Variants in PLB1 observed in about 807,000 individuals in gnomAD.
The protein encoded by PLB1 is phospholipase B1.
PLB1 carries 242 observed loss-of-function variants against 227.4 expected under a neutral mutation model. The observed-to-expected ratio is 1.06, with a 90% CI of 0.96 to 1.18. PLB1 has a LOEUF of 1.18. Among genes scored for constraint, PLB1 ranks in the 50% most tolerant of loss-of-function variants. The probability of loss-of-function intolerance (pLI) is 0.00; values close to 1 mark genes in which losing one functional copy is unlikely to be tolerated. For synonymous variants in PLB1, 757 were observed against 682.2 expected, an observed-to-expected ratio of 1.11 and a Z score of -1.71; for missense variants, 1,858 against 1,816.3, an observed-to-expected ratio of 1.02 and a Z score of -0.42.
At chr2:28,597,955 C>A in intron 33 of PLB1, 50 bp from the exon 34 acceptor site, 5 of 1,555,898 alleles carry the variant, frequency 3.2e-6, no homozygotes, top group Non-Finnish European at 4.4e-6. Flanking sequence ...TAGATTGATT[C>A]AACCAATATG....
At chr2:28,589,890 A>T in intron 28 of PLB1, 115 bp from the exon 29 acceptor site, 1 of 1,362,874 alleles carries the variant, frequency 7.3e-7, no homozygotes, top group East Asian at 2.3e-5. Context: ...CGGCAATGAC[A>T]AACAAACCCC....
chr2:28,630,553 G>A lies in PLB1; in HGVS notation c.3819-33G>A, dbSNP rs771236089. The A allele has an allele frequency of 2.5e-6, 4 of 1,592,996 alleles. No individual in the cohort carries two copies. The East Asian group carries it at 6.7e-5, about 27-fold the overall frequency. On this transcript the variant is annotated intron_variant, in intron 53 of 57. Transcript: ENST00000327757. ...AGGAGGACAGAGCCACAGTGCCCCA[G>A]GCAGCCTCAATACAACACTCCCTGT...
At chr2:28,566,633 C>T (rs961459720) in intron 19 of PLB1, 163 bp from the exon 20 acceptor site, 18 of 680,348 alleles carry the variant, frequency 2.6e-5, no homozygotes, top group Non-Finnish European at 4.2e-5. Context: ...GAGTCGTATT[C>T]TGGTTTGCTT....
intron 9 of PLB1, among the ~76,000 whole-genome samples, chr2:28,535,457 C>T (rs1357843302): frequency 1.3e-5 from 2 of 152,264 alleles, no homozygotes; most frequent in East Asian, 1.9e-4. Flanking sequence ...GCCCTTCTCA[C>T]AGCCCAGACC....
chr2:28,558,656 GTGTGCATGGTGCATA>G (rs1440917497), intron 17 of PLB1, among the ~76,000 whole-genome samples: 18 of 152,118 alleles, frequency 1.2e-4, no homozygotes, highest in Admixed American at 8.5e-4. Context: ...AAGGGTGCAT[GTGTGCATGGTGCATA>G]TGTGCATGGT....
At chr2:28,583,534 T>G (rs1255346471) in intron 25 of PLB1, among the ~76,000 whole-genome samples, 2 of 152,108 alleles carry the variant, frequency 1.3e-5, no homozygotes, top group East Asian at 1.9e-4. Context: ...AGGGGAAAAT[T>G]CCACACCTGA....
At chr2:28,602,147 C>T (rs1351225690) in intron 38 of PLB1, among the ~76,000 whole-genome samples, 183 bp downstream of exon 38, 1 of 152,202 alleles carries the variant, frequency 6.6e-6, no homozygotes, top group African/African-American at 2.4e-5. Context: ...GGAATCAGCC[C>T]AGAAGGGCCT....
At chr2:28,630,452 C>A (rs959552872) in intron 53 of PLB1, 134 bp from the exon 54 acceptor site, 5 of 643,950 alleles carry the variant, frequency 7.8e-6, no homozygotes, top group African/African-American at 5.5e-5. Flanking sequence ...TGTGTCACCC[C>A]CCGCCCTAGG....
chr2:28,532,151 T>A lies in PLB1; in HGVS notation c.512T>A (p.Phe171Tyr), dbSNP rs1347136052. 1 of 1,613,222 alleles carries A rather than the reference T, an allele frequency of 6.2e-7. No individual in the cohort carries two copies. Among genetic ancestry groups the A allele is most frequent in the African/African-American group, 1.3e-5 (1 of 74,882 alleles). ...QFDWKLINVF[F>Y]SNASQCYLCP... ...GACTGGAAGCTCATCAATGTGTTCTTCAGTAATGCAAGCCAGTGTTACCTG... is the reference window on the plus strand; with the variant it reads ...GACTGGAAGCTCATCAATGTGTTCTACAGTAATGCAAGCCAGTGTTACCTG... The change falls in exon 9 of 58, where the codon TTC (phenylalanine) becomes TAC (tyrosine). Residue 171 changes from phenylalanine to tyrosine, a missense_variant. Coordinates refer to ENST00000327757, the MANE Select transcript of PLB1 (RefSeq NM_153021.5).
chr2:28,502,031 A>G (rs749336622), intron 1 of PLB1, among the ~76,000 whole-genome samples: 9 of 152,200 alleles, frequency 5.9e-5, no homozygotes, highest in Admixed American at 1.3e-4. Context: ...ACACACATAT[A>G]GATTTGTTAG....
chr2:28,589,399 G>A (rs769042820), intron 26 of PLB1, 51 bp from the exon 27 acceptor site: 35 of 1,362,004 alleles, frequency 2.6e-5, no homozygotes, highest in Admixed American at 8.4e-5. Context: ...ATCAAGGACC[G>A]AGCAGATGCA....
At chr2:28,597,791 C>G (rs569622272) in intron 33 of PLB1, among the ~76,000 whole-genome samples, 1 of 152,122 alleles carries the variant, frequency 6.6e-6, no homozygotes, top group Non-Finnish European at 1.5e-5. Flanking sequence ...AGAAACAGCT[C>G]TCTCATCTTC....
At chr2:28,503,320 TAA>T (rs1344134725) in intron 1 of PLB1, among the ~76,000 whole-genome samples, 1 of 146,552 alleles carries the variant, frequency 6.8e-6, no homozygotes, top group Non-Finnish European at 1.5e-5. Flanking sequence ...ACCTGTTAAT[TAA>T]AAAAAAAAAA....
Position 28,643,045 on chromosome 2 carries a change from G to A in PLB1, c.4361G>A (p.Arg1454His), listed in dbSNP as rs769466567. Residue 1454 changes from arginine to histidine, a missense_variant, in exon 58 of 58, where the codon CGC (arginine) becomes CAC (histidine). By Grantham distance (29) the Arg-to-His change is conservative. Coordinates refer to ENST00000327757, the MANE Select transcript of PLB1 (RefSeq NM_153021.5). ...AGGGAAGATCCTCCAATGAGCCTGC[G>A]CACTGTGGCCCTCTAGGCCCGGGGG... ...GRREDPPMSL[R>H]TVAL 13 of 1,605,704 alleles carry A rather than the reference G, an allele frequency of 8.1e-6. No homozygotes were observed. The highest frequency in any genetic ancestry group is 4.0e-5 in the African/African-American group (3 of 74,812).
chr2:28,640,896 G>T, intron 56 of PLB1, 31 bp from the exon 57 acceptor site: 1 of 1,599,038 alleles, frequency 6.3e-7, no homozygotes, highest in East Asian at 2.3e-5. Flanking sequence ...CAGCTTTGGA[G>T]AGAATCGAGG....
At chr2:28,626,201 G>A (rs1687749438) in intron 50 of PLB1, among the ~76,000 whole-genome samples, 1 of 151,922 alleles carries the variant, frequency 6.6e-6, no homozygotes, top group African/African-American at 2.4e-5. Flanking sequence ...TCATCATGTT[G>A]GCCAGGCTGG....
intron 52 of PLB1, 36 bp from the exon 53 acceptor site, chr2:28,629,058 C>A (rs919631861): frequency 5.1e-6 from 8 of 1,581,438 alleles, no homozygotes; most frequent in Non-Finnish European, 6.9e-6. Flanking sequence ...CAGCAGTAGC[C>A]AGTGCCCTAA....
intron 17 of PLB1, among the ~76,000 whole-genome samples, chr2:28,558,158 G>C (rs1004759437): frequency 1.1e-4 from 3 of 28,452 alleles, no homozygotes; most frequent in East Asian, 7.4e-4. Context: ...GTGTGTCTCT[G>C]TGTGTGTGTG....
At position 28,519,713 on chromosome 2, in the gene PLB1, C is replaced by T. The variant is rs770537326; in HGVS notation, c.193C>T (p.Leu65=). The change falls in exon 4 of 58, where the codon CTG becomes TTG. Residue 65 remains leucine, a synonymous_variant. Coordinates refer to ENST00000327757, the MANE Select transcript of PLB1 (RefSeq NM_153021.5). ...GGTTCTTGTCTCCACAGTTCACTCTCTGAAGCCTTCTGATATTAAATTTGT... is the reference window on the plus strand; with the variant it reads ...GGTTCTTGTCTCCACAGTTCACTCTTTGAAGCCTTCTGATATTAAATTTGT... ...VNMPSKSVHS[L]KPSDIKFVAA... is the part of the protein sequence containing the mutation. 1.2e-6 allele frequency: 2 copies of T among 1,610,082 alleles called. No homozygotes were observed. The highest frequency in any genetic ancestry group is 1.3e-5 in the African/African-American group (1 of 74,802).
Sources: allele counts gnomAD v4.1 joint callset (sites outside exome capture counted in the v4.1 genomes callset), GRCh38; gene constraint gnomAD v4.1.1; transcripts MANE v1.5; gene names NCBI Gene and HGNC (gene_info 2026-07-23, HGNC 2026-07-21).